The following GRM7 variants were observed in gnomAD, a reference collection of about 807,000 sequenced individuals.
GRM7 encodes glutamate metabotropic receptor 7.
A neutral mutation model predicts 84.5 loss-of-function variants in GRM7; 35 were observed. The ratio of observed to expected loss-of-function variants is 0.41; its 90% CI spans 0.32 to 0.55. The LOEUF (loss-of-function observed/expected upper bound fraction) is 0.55, where lower values mean the gene tolerates loss of function less well. Ranked by LOEUF, GRM7 falls within the 20% of genes least tolerant of loss-of-function variation. GRM7 has a pLI of 0.19. For missense variants in GRM7, 1,003 were observed against 1,194.6 expected (o/e 0.84, Z 2.36); for synonymous variants, 487 against 455.1 (o/e 1.07, Z -0.89).
chr3:7,433,442 C>G (rs763218886), intron 5 of GRM7, among the ~76,000 whole-genome samples: 10 of 152,200 alleles, frequency 6.6e-5, no homozygotes, highest in Non-Finnish European at 1.2e-4. Flanking sequence ...GTGTTGTCTA[C>G]TAGCTGGCAC....
chr3:7,073,121 C>T (rs1167285048), intron 1 of GRM7, among the ~76,000 whole-genome samples: 1 of 151,906 alleles, frequency 6.6e-6, no homozygotes, highest in East Asian at 1.9e-4. Flanking sequence ...CATTTTTTTC[C>T]TGCAACAAAT....
chr3:7,418,528 C>T (rs775389293), intron 5 of GRM7, among the ~76,000 whole-genome samples: 21 of 152,162 alleles, frequency 1.4e-4, no homozygotes, highest in Non-Finnish European at 2.9e-4. Context: ...TTTTCATTTG[C>T]AGGCAGAAAG....
intron 1 of GRM7, among the ~76,000 whole-genome samples, chr3:6,882,674 A>C (rs1054396882): frequency 6.6e-6 from 1 of 152,266 alleles, no homozygotes; most frequent in Non-Finnish European, 1.5e-5. Flanking sequence ...AAGCAAATAT[A>C]TAATACTTTT....
intron 1 of GRM7, among the ~76,000 whole-genome samples, chr3:6,927,305 G>T (rs892885188): frequency 6.6e-6 from 1 of 152,034 alleles, no homozygotes; most frequent in African/African-American, 2.4e-5. Context: ...GTGCATGCTT[G>T]TAATCCCAGC....
intron 2 of GRM7, among the ~76,000 whole-genome samples, chr3:7,295,250 A>G (rs914502262): frequency 6.6e-6 from 1 of 152,158 alleles, no homozygotes; most frequent in Admixed American, 6.6e-5. Flanking sequence ...TGAAAAGACT[A>G]TTCTTTTTCC....
At chr3:7,732,141 G>A (rs929541434) in intron 9 of GRM7, among the ~76,000 whole-genome samples, 8 of 152,070 alleles carry the variant, frequency 5.3e-5, no homozygotes, top group Admixed American at 4.6e-4. Flanking sequence ...CGCCTCCCAG[G>A]TTCACGCCAT....
chr3:7,514,669 G>C (rs956118560), intron 7 of GRM7, among the ~76,000 whole-genome samples: 1 of 152,114 alleles, frequency 6.6e-6, no homozygotes, highest in African/African-American at 2.4e-5. Flanking sequence ...TGGCTCCTTG[G>C]ACCTGCCTTG....
In GRM7 at chr3:7,427,658, A is replaced by C. The variant is rs530294649; in HGVS notation, c.1174+12495A>C. ...TTGGTCACTCACTTGAGCACTTTGCACAGATGATAGTGATCTTCAAAAGTC... is the reference window on the plus strand; with the variant it reads ...TTGGTCACTCACTTGAGCACTTTGCCCAGATGATAGTGATCTTCAAAAGTC... On this transcript the variant is annotated intron_variant, in intron 5 of 9. Coordinates refer to ENST00000357716, the MANE Select transcript of GRM7 (RefSeq NM_000844.4). 5.9e-5 allele frequency among the ~76,000 whole-genome samples: 9 copies of C among 152,336 alleles called. No individual in the cohort carries two copies. In the South Asian group the frequency reaches 1.4e-3, roughly 25 times the overall value.
intron 4 of GRM7, among the ~76,000 whole-genome samples, chr3:7,358,809 G>A (rs1337209902): frequency 1.3e-5 from 2 of 152,080 alleles, no homozygotes; most frequent in Admixed American, 6.5e-5. Flanking sequence ...TAGTGTGTAA[G>A]TATTTTATAA....
In GRM7 at chr3:7,123,568, G is replaced by C. The variant is rs1164760457; in HGVS notation, c.520-22884G>C. Among the ~76,000 whole-genome samples, 18 of 152,144 alleles carry C rather than the reference G, an allele frequency of 1.2e-4. 1 individual carries two copies. Among genetic ancestry groups the C allele is most frequent in the Admixed American group, 1.0e-3 (16 of 15,282 alleles). Reference sequence around the variant, plus strand: ...CAGGAGGCGGAGGTTGCAGTGAACTGAGATTGCCCCACTGTACTCCAGCCT... The same window carrying C: ...CAGGAGGCGGAGGTTGCAGTGAACTCAGATTGCCCCACTGTACTCCAGCCT... On this transcript the variant is annotated intron_variant, in intron 1 of 9. Transcript: ENST00000357716.
intron 2 of GRM7, among the ~76,000 whole-genome samples, chr3:7,229,745 ATATATATATATATATT>A (rs1559514604): frequency 0.017 from 520 of 30,870 alleles, 35 homozygotes; most frequent in Admixed American, 0.023. Context: ...ATATATATAT[ATATATATATATATATT>A]TTTTTTTTTT....
chr3:6,970,937 GTA>G lies in GRM7; in HGVS notation c.519+109031_519+109032del, dbSNP rs1389040086. Among the ~76,000 whole-genome samples the G allele has an allele frequency of 2.6e-5, 4 of 152,092 alleles. No homozygotes were observed. In the East Asian group the frequency reaches 5.8e-4, roughly 22 times the overall value. Reference sequence around the variant, plus strand: ...GCTGAGGTTGCAGTGAGCCAAGATCGTACGACTACACTCCAGCCTGGGCCACA... The same window carrying G: ...GCTGAGGTTGCAGTGAGCCAAGATCGCGACTACACTCCAGCCTGGGCCACA... On this transcript the variant is annotated intron_variant, in intron 1 of 9. Coordinates refer to ENST00000357716, the MANE Select transcript of GRM7 (RefSeq NM_000844.4).
intron 1 of GRM7, among the ~76,000 whole-genome samples, chr3:6,903,902 C>T (rs1202990035): frequency 7.2e-5 from 11 of 152,048 alleles, no homozygotes; most frequent in Non-Finnish European, 1.0e-4. Context: ...ACAATATTGC[C>T]ATTTCTATTT....
At chr3:6,896,744 T>A (rs961534198) in intron 1 of GRM7, among the ~76,000 whole-genome samples, 3 of 152,034 alleles carry the variant, frequency 2.0e-5, no homozygotes, top group Admixed American at 1.3e-4. Context: ...GGCTGAAGAT[T>A]TTTTTTTCCT....
rs186712927 is a variant in GRM7, at chr3:7,339,919, C to T, written c.1033+33267C>T. Among the ~76,000 whole-genome samples the T allele has an allele frequency of 4.1e-3, 631 of 152,058 alleles. 8 individuals carry two copies. The highest frequency in any genetic ancestry group is 0.014 in the African/African-American group (582 of 41,518). On this transcript the variant is annotated intron_variant, in intron 4 of 9. Transcript: ENST00000357716. ...GAAGAAGAAAAATACAAGTAATCCA[C>T]GGAACAATAAATTCTTGGCTTTAAA...
chr3:7,248,436 T>C (rs1455596258), intron 2 of GRM7, among the ~76,000 whole-genome samples: 1 of 152,114 alleles, frequency 6.6e-6, no homozygotes, highest in Non-Finnish European at 1.5e-5. Context: ...ATGAGGAGTA[T>C]CGGAATAATA....
intron 7 of GRM7, among the ~76,000 whole-genome samples, chr3:7,554,462 G>A (rs1693661515): frequency 6.6e-6 from 1 of 152,180 alleles, no homozygotes; most frequent in African/African-American, 2.4e-5. Flanking sequence ...TTGAGCAAAT[G>A]TGACAACATC....
At chr3:7,248,622 T>C (rs563622547) in intron 2 of GRM7, among the ~76,000 whole-genome samples, 16 of 152,250 alleles carry the variant, frequency 1.1e-4, no homozygotes, top group African/African-American at 3.6e-4. Context: ...AAAAGATTGT[T>C]GAGATTGAAG....
In GRM7 at chr3:7,291,468, G is replaced by A. The variant is rs192865787; in HGVS notation, c.737-7216G>A. Among the ~76,000 whole-genome samples the A allele has an allele frequency of 1.0e-4, 15 of 145,962 alleles. No individual in the cohort carries two copies. In the East Asian group the frequency reaches 3.2e-3, roughly 31 times the overall value. ...GTGCAGACATCACAGTACAGACAGG[G>A]TTAGAGGAAAAGTCATGCCAGCTCT... is the stretch of plus-strand genomic sequence containing the variant. On this transcript the variant is annotated intron_variant, in intron 2 of 9. Coordinates refer to ENST00000357716, the MANE Select transcript of GRM7 (RefSeq NM_000844.4).
Sources: gnomAD v4.1 joint callset for allele counts (sites outside exome capture counted in the v4.1 genomes callset) on GRCh38, gnomAD v4.1.1 for gene constraint, MANE v1.5 for transcripts, NCBI Gene and HGNC (gene_info 2026-07-23, HGNC 2026-07-21) for gene names.